The following TMEM266 variants were observed in gnomAD, a reference collection of about 807,000 sequenced individuals.
The protein encoded by TMEM266 is Hv1 related protein 1.
Under a neutral mutation model 50.5 loss-of-function variants are expected in TMEM266, and 33 were observed. The observed-to-expected ratio is 0.65, with a 90% confidence interval of 0.50 to 0.87. TMEM266 has a LOEUF of 0.87. Ranked by LOEUF, TMEM266 falls within the 40% of genes least tolerant of loss-of-function variation. The pLI, the probability that TMEM266 is intolerant of heterozygous loss-of-function variation, is 0.00. For missense variants in TMEM266, 655 were observed against 695.1 expected, an observed-to-expected ratio of 0.94 and a Z score of 0.65; for synonymous variants, 310 against 292.3, an observed-to-expected ratio of 1.06 and a Z score of -0.62.
chr15:76,159,069 G>A (rs935750765), intron 4 of TMEM266, among the ~76,000 whole-genome samples: 4 of 152,186 alleles, frequency 2.6e-5, no homozygotes, highest in South Asian at 2.1e-4. Context: ...TGCAGCTCAC[G>A]AAGGAGGTAG....
intron 1 of TMEM266, among the ~76,000 whole-genome samples, chr15:76,109,366 ACCAGGTTCCTC>A (rs530525316): frequency 6.6e-6 from 1 of 152,342 alleles, no homozygotes; most frequent in African/African-American, 2.4e-5. Flanking sequence ...CAGGCCCAAC[ACCAGGTTCCTC>A]CCAAGGCTGT....
intron 2 of TMEM266, 69 bp from the exon 3 acceptor site, chr15:76,137,638 T>A: frequency 9.5e-6 from 14 of 1,476,266 alleles, no homozygotes; most frequent in Non-Finnish European, 1.3e-5. Flanking sequence ...CCTCCTTTCC[T>A]TGAGGAATGG....
chr15:76,122,226 G>A (rs924818600), intron 1 of TMEM266, among the ~76,000 whole-genome samples: 4 of 152,234 alleles, frequency 2.6e-5, no homozygotes, highest in African/African-American at 9.6e-5. Context: ...AGGTGCAAGA[G>A]AGGGCAGGCC....
chr15:76,063,874 G>C (rs2036358056), intron 1 of TMEM266, among the ~76,000 whole-genome samples: 1 of 152,204 alleles, frequency 6.6e-6, no homozygotes, highest in Non-Finnish European at 1.5e-5. Flanking sequence ...TTTATGTGTT[G>C]TTTGGGGGAA....
At chr15:76,108,042 G>A (rs1161316771) in intron 1 of TMEM266, among the ~76,000 whole-genome samples, 1 of 152,244 alleles carries the variant, frequency 6.6e-6, no homozygotes, top group Non-Finnish European at 1.5e-5. Context: ...GCAGCCTAAA[G>A]GGTGGCAGAG....
rs971251500 is a variant in TMEM266 at position 76,185,968 on chromosome 15, G to A, written c.769-6000G>A. Among the ~76,000 whole-genome samples the A allele has an allele frequency of 1.4e-4, 22 of 152,212 alleles. 1 individual carries two copies. Among genetic ancestry groups the A allele is most frequent in the Admixed American group, 1.1e-3 (17 of 15,286 alleles). The stretch of plus-strand genomic sequence containing the variant: ...AGAGGCTCACCCAAAGTCAGGGCAA[G>A]GGAGGGGTGATGGGCCAAGAGCTCA... On this transcript the variant is annotated intron_variant, in intron 8 of 10. Transcript: ENST00000388942.
chr15:76,137,890 A>G lies in TMEM266; in HGVS notation c.222A>G (p.Arg74=). ...CAAATCTGGACGAAGATTACCAAAG[A>G]GAAGGGTAGGTGCTGGGACCATTGA... is the stretch of plus-strand genomic sequence containing the variant. The change falls in exon 3 of 11, where the codon AGA becomes AGG. Residue 74 remains arginine, a synonymous_variant. Coordinates refer to ENST00000388942, the MANE Select transcript of TMEM266 (RefSeq NM_152335.3). The G allele has an allele frequency of 6.3e-7, 1 of 1,579,508 alleles. No homozygotes were observed. The highest frequency in any genetic ancestry group is 8.6e-7 in the Non-Finnish European group (1 of 1,163,440).
In TMEM266 at chr15:76,061,817, A is replaced by G. The variant is rs1448023431; in HGVS notation, c.-97+1801A>G. Among the ~76,000 whole-genome samples the G allele has an allele frequency of 3.3e-5, 5 of 151,974 alleles. No individual in the cohort carries two copies. The South Asian group carries it at 1.0e-3, about 32-fold the overall frequency. ...ATTTTCCATTATCGCATCCCACCCT[A>G]CCCTCCTTGCTGCCCTTCACACTAT... On this transcript the variant is annotated intron_variant, in intron 1 of 10. Transcript: ENST00000388942.
At chr15:76,202,750 TGAGGCCTTG>T (rs1178600081) in intron 10 of TMEM266, among the ~76,000 whole-genome samples, 1 of 152,172 alleles carries the variant, frequency 6.6e-6, no homozygotes, top group African/African-American at 2.4e-5. Context: ...AAAATAACGC[TGAGGCCTTG>T]GGTGTCTCGT....
chr15:76,091,773 G>T (rs1346117712), intron 1 of TMEM266, among the ~76,000 whole-genome samples: 1 of 151,874 alleles, frequency 6.6e-6, no homozygotes, highest in African/African-American at 2.4e-5. Context: ...AGGATCACTT[G>T]AGCCCAGGAG....
chr15:76,084,650 G>C (rs558020325), intron 1 of TMEM266, among the ~76,000 whole-genome samples: 1 of 151,874 alleles, frequency 6.6e-6, no homozygotes, highest in African/African-American at 2.4e-5. Context: ...GCCCAGGCTG[G>C]AGTGCAGTGG....
intron 1 of TMEM266, among the ~76,000 whole-genome samples, chr15:76,100,815 C>G (rs763627100): frequency 2.6e-5 from 4 of 152,156 alleles, no homozygotes; most frequent in Admixed American, 6.5e-5. Context: ...TGAAATGGAT[C>G]TTAGATCATT....
intron 1 of TMEM266, among the ~76,000 whole-genome samples, chr15:76,118,099 A>G (rs1488987040): frequency 6.6e-6 from 1 of 152,356 alleles, no homozygotes; most frequent in East Asian, 1.9e-4. Flanking sequence ...AGGCCAGGTT[A>G]CTGCACCCCT....
At position 76,191,959 on chromosome 15, in the gene TMEM266, C is replaced by A; in HGVS notation, c.769-9C>A. On this transcript the variant is annotated splice_polypyrimidine_tract_variant and intron_variant, in intron 8 of 10. Coordinates refer to ENST00000388942, the MANE Select transcript of TMEM266 (RefSeq NM_152335.3). Reference sequence around the variant, plus strand: ...CCGCTGATTCAGCCTTGCCCGTCTCCCTCCGCAGTTTGAGATCCGGCAGCT... The same window carrying A: ...CCGCTGATTCAGCCTTGCCCGTCTCACTCCGCAGTTTGAGATCCGGCAGCT... The A allele has an allele frequency of 1.3e-6, 2 of 1,579,734 alleles. No individual in the cohort carries two copies. The highest frequency in any genetic ancestry group is 1.1e-5 in the South Asian group (1 of 88,602).
intron 1 of TMEM266, chr15:76,113,003 A>T (rs1275117573): frequency 6.6e-6 from 1 of 151,690 alleles, no homozygotes; most frequent in African/African-American, 2.4e-5. Flanking sequence ...TAGGAGTGAG[A>T]CTCCTACCCA....
Position 76,204,660 on chromosome 15 carries a change from A to C in TMEM266, c.*345A>C. The C allele has an allele frequency of 5.1e-6, 1 of 194,510 alleles. No homozygotes were observed. Among genetic ancestry groups the C allele is most frequent in the Non-Finnish European group, 1.1e-5 (1 of 93,972 alleles). 12.0% of individuals were successfully genotyped at this position (194,510 alleles called of 1,614,324 possible). A position where few individuals can be genotyped will look rare whatever the true frequency, so the allele number is the denominator to read the frequency against. ...TGCGTTGCCTTCGTTCCTGACGCCC[A>C]CCCTGGACTCTAGGGAACAGCACTG... is the stretch of plus-strand genomic sequence containing the variant. On this transcript the variant is annotated 3_prime_UTR_variant, in exon 11 of 11. Transcript: ENST00000388942.
chr15:76,081,410 A>G (rs1057110879), intron 1 of TMEM266, among the ~76,000 whole-genome samples: 8 of 152,234 alleles, frequency 5.3e-5, no homozygotes, highest in Non-Finnish European at 1.0e-4. Context: ...AGGTCACATT[A>G]TGAAAATTAA....
chr15:76,144,415 T>C (rs909426424), intron 3 of TMEM266, among the ~76,000 whole-genome samples: 1 of 152,144 alleles, frequency 6.6e-6, no homozygotes, highest in Non-Finnish European at 1.5e-5. Context: ...CTCCTGACCA[T>C]GTCCAGTGCC....
intron 1 of TMEM266, among the ~76,000 whole-genome samples, chr15:76,116,271 C>T (rs1422605363): frequency 2.7e-5 from 3 of 109,502 alleles, no homozygotes; most frequent in African/African-American, 8.7e-5. Flanking sequence ...CCTGTTCCTC[C>T]GCAGTCTTTG....
Sources: gnomAD v4.1 joint callset for allele counts (sites outside exome capture counted in the v4.1 genomes callset) on GRCh38, gnomAD v4.1.1 for gene constraint, MANE v1.5 for transcripts, NCBI Gene and HGNC (gene_info 2026-07-23, HGNC 2026-07-21) for gene names.